MYBPC1: variants seen among roughly 807,000 people sequenced by gnomAD.
MYBPC1 encodes myosin binding protein C1.
A neutral mutation model predicts 147.1 loss-of-function variants in MYBPC1; 52 were observed. The observed-to-expected ratio is 0.35, with a 90% CI of 0.28 to 0.45. MYBPC1 has a LOEUF of 0.45. MYBPC1 is among the 20% of genes least tolerant of loss of function. The pLI is 1.00. For missense variants in MYBPC1, 1,228 were observed against 1,440.3 expected (o/e 0.85, Z 2.39); for synonymous variants, 477 against 475.9 (o/e 1.00, Z -0.03).
intron 18 of MYBPC1, among the ~76,000 whole-genome samples, chr12:101,656,609 G>A (rs1000159486): frequency 9.9e-5 from 15 of 152,002 alleles, no homozygotes; most frequent in Non-Finnish European, 1.5e-4. Context: ...AGAAATGAGC[G>A]TTACATAATG....
intron 28 of MYBPC1, among the ~76,000 whole-genome samples, chr12:101,678,477 G>T (rs1012932367): frequency 1.3e-5 from 2 of 152,170 alleles, no homozygotes; most frequent in African/African-American, 2.4e-5. Context: ...ATTTAAAAAA[G>T]AACATCTCCT....
intron 1 of MYBPC1, among the ~76,000 whole-genome samples, chr12:101,605,633 G>A (rs112622572): frequency 0.061 from 9,307 of 152,230 alleles, 777 homozygotes; most frequent in African/African-American, 0.19. Context: ...AGCAGAGGCA[G>A]GTGGATCACC....
intron 1 of MYBPC1, among the ~76,000 whole-genome samples, chr12:101,595,559 T>A (rs1404184510): frequency 6.6e-6 from 1 of 151,978 alleles, no homozygotes; most frequent in Non-Finnish European, 1.5e-5. Flanking sequence ...ATTTCCATAT[T>A]TGCTACTTTT....
At chr12:101,659,864 C>G in intron 19 of MYBPC1, 33 bp downstream of exon 19, 1 of 1,612,126 alleles carries the variant, frequency 6.2e-7, no homozygotes, top group Non-Finnish European at 8.5e-7. Context: ...CTTCTAGAAT[C>G]AAGCTGACAT....
intron 1 of MYBPC1, among the ~76,000 whole-genome samples, chr12:101,596,253 T>C (rs1593545931): frequency 1.3e-5 from 2 of 152,224 alleles, no homozygotes; most frequent in South Asian, 4.1e-4. Flanking sequence ...AGTTTACAGG[T>C]TGGCCTTACT....
rs188621060 is a variant in MYBPC1 at position 101,632,555 on chromosome 12, T to G, written c.556+417T>G. Among the ~76,000 whole-genome samples, 177 of 152,296 alleles carry G rather than the reference T, an allele frequency of 1.2e-3. 1 individual carries two copies. In the South Asian group the frequency reaches 0.016, roughly 14 times the overall value. On this transcript the variant is annotated intron_variant, in intron 8 of 31. Coordinates refer to ENST00000361466, the MANE Select transcript of MYBPC1 (RefSeq NM_002465.4). ...TAATGTCAGGCATGGCAGTTCTTCA[T>G]CCATATGTTCTGTGCACTACCCAGA...
intron 23 of MYBPC1, 54 bp from the exon 24 acceptor site, chr12:101,670,267 C>T: frequency 6.8e-7 from 1 of 1,460,340 alleles, no homozygotes; most frequent in Non-Finnish European, 9.6e-7. Context: ...TTTTGTAAGG[C>T]TATTTTCAGA....
chr12:101,657,278 T>C (rs1219023704), intron 18 of MYBPC1, among the ~76,000 whole-genome samples: 2 of 152,210 alleles, frequency 1.3e-5, no homozygotes, highest in East Asian at 3.9e-4. Flanking sequence ...AAACCAGTAA[T>C]CAAAGTTTAC....
intron 10 of MYBPC1, among the ~76,000 whole-genome samples, chr12:101,639,678 C>A (rs962438138): frequency 6.6e-6 from 1 of 152,272 alleles, no homozygotes. Flanking sequence ...AAATCACACT[C>A]AAAATTATCA....
intron 28 of MYBPC1, among the ~76,000 whole-genome samples, chr12:101,679,951 T>C (rs1052159089): frequency 6.6e-6 from 1 of 152,256 alleles, no homozygotes; most frequent in Non-Finnish European, 1.5e-5. Flanking sequence ...TGATTTGATA[T>C]ATGTACACAT....
At chr12:101,686,080 T>C (rs1316319754), downstream of MYBPC1, 1 of 155,154 alleles carries the variant, frequency 6.4e-6, no homozygotes, top group African/African-American at 2.4e-5. Context: ...TAGATTTTTC[T>C]AACCAAAGCG....
At chr12:101,634,462 C>T (rs533130496) in intron 8 of MYBPC1, 92 bp from the exon 9 acceptor site, 43 of 1,037,066 alleles carry the variant, frequency 4.1e-5, no homozygotes, top group Non-Finnish European at 6.2e-5. Flanking sequence ...TGACATTCTT[C>T]CATCTAAAGA....
chr12:101,676,213 C>A (rs1280525469), intron 26 of MYBPC1, among the ~76,000 whole-genome samples: 1 of 152,126 alleles, frequency 6.6e-6, no homozygotes, highest in Admixed American at 6.5e-5. Context: ...AAAAAGCAAC[C>A]TAGTTGGAGT....
intron 13 of MYBPC1, 124 bp from the exon 14 acceptor site, chr12:101,647,921 T>A: frequency 1.3e-6 from 1 of 762,898 alleles, no homozygotes; most frequent in Admixed American, 2.0e-5. Flanking sequence ...TCACTTACTG[T>A]TATCACCATG....
intron 3 of MYBPC1, among the ~76,000 whole-genome samples, chr12:101,620,925 A>G (rs889507830): frequency 6.6e-6 from 1 of 152,056 alleles, no homozygotes; most frequent in African/African-American, 2.4e-5. Flanking sequence ...CACATAAACT[A>G]TCGTGAATGA....
chr12:101,631,239 T>TA (rs555031845), intron 6 of MYBPC1, among the ~76,000 whole-genome samples: 6 of 152,150 alleles, frequency 3.9e-5, no homozygotes, highest in Non-Finnish European at 8.8e-5. Flanking sequence ...ATATATGCAA[T>TA]AAAAGTTCAC....
rs139321395 is a variant in MYBPC1, at chr12:101,675,951, C to T, written c.2949+520C>T. Among the ~76,000 whole-genome samples the T allele has an allele frequency of 3.6e-3, 554 of 152,324 alleles. 6 individuals carry two copies. Among genetic ancestry groups the T allele is most frequent in the African/African-American group, 0.012 (512 of 41,570 alleles). The stretch of plus-strand genomic sequence containing the variant: ...TACAAGGTTACAGCATGTGCAAATG[C>T]GGAAAGGTCTGGAGAAAAAGAGCTT... On this transcript the variant is annotated intron_variant, in intron 26 of 31. Transcript: ENST00000361466.
intron 1 of MYBPC1, among the ~76,000 whole-genome samples, chr12:101,611,602 G>A (rs1003614342): frequency 6.6e-6 from 1 of 152,154 alleles, no homozygotes; most frequent in African/African-American, 2.4e-5. Flanking sequence ...TGTGTTTTCA[G>A]CAATAAAATG....
At chr12:101,658,671 A>G (rs1166943948) in intron 18 of MYBPC1, among the ~76,000 whole-genome samples, 1 of 152,212 alleles carries the variant, frequency 6.6e-6, no homozygotes, top group African/African-American at 2.4e-5. Context: ...TAGCTTTGGG[A>G]GGGAGAAAAA....
Sources: allele counts gnomAD v4.1 joint callset (sites outside exome capture counted in the v4.1 genomes callset), GRCh38; gene constraint gnomAD v4.1.1; transcripts MANE v1.5; gene names NCBI Gene and HGNC (gene_info 2026-07-23, HGNC 2026-07-21).